The following MEIS2 variants were observed in gnomAD, a reference collection of about 807,000 sequenced individuals.
MEIS2 encodes the protein homeobox protein Meis2.
A neutral mutation model predicts 58.6 loss-of-function variants in MEIS2; 9 were observed. That is an observed-to-expected ratio of 0.15 (90% CI 0.09 to 0.27). The LOEUF is 0.27. Ranked by LOEUF, MEIS2 falls within the 10% of genes least tolerant of loss-of-function variation. The pLI is 1.00. For missense variants in MEIS2, 427 were observed against 635.0 expected, an observed-to-expected ratio of 0.67 and a Z score of 3.52; for synonymous variants, 221 against 228.4, an observed-to-expected ratio of 0.97 and a Z score of 0.29.
intron 7 of MEIS2, among the ~76,000 whole-genome samples, chr15:37,043,324 C>A (rs1397500985): frequency 2.0e-5 from 3 of 152,092 alleles, no homozygotes; most frequent in Non-Finnish European, 2.9e-5. Flanking sequence ...TTACCATATT[C>A]ATTAACATTT....
intron 9 of MEIS2, among the ~76,000 whole-genome samples, chr15:36,903,305 A>G (rs1294773726): frequency 6.6e-6 from 1 of 152,202 alleles, no homozygotes; most frequent in Non-Finnish European, 1.5e-5. Flanking sequence ...TTTCAAAGCT[A>G]TTTGAAAGCA....
At chr15:36,934,441 G>C (rs917118456) in intron 9 of MEIS2, among the ~76,000 whole-genome samples, 1 of 152,144 alleles carries the variant, frequency 6.6e-6, no homozygotes, top group South Asian at 2.1e-4. Flanking sequence ...TAATTAAAAC[G>C]TGCACAAGGC....
intron 8 of MEIS2, among the ~76,000 whole-genome samples, chr15:37,032,140 A>G (rs1206916838): frequency 6.6e-6 from 1 of 152,176 alleles, no homozygotes; most frequent in Admixed American, 6.5e-5. Flanking sequence ...TCTGTAACAC[A>G]CATCTTTGAA....
chr15:36,950,524 T>C, intron 8 of MEIS2, 124 bp from the exon 9 acceptor site: 1 of 884,964 alleles, frequency 1.1e-6, no homozygotes, highest in Non-Finnish European at 1.8e-6. Flanking sequence ...ACTTGCATCT[T>C]TTTTATCATG....
At chr15:36,991,816 C>G (rs1281054664) in intron 8 of MEIS2, among the ~76,000 whole-genome samples, 2 of 97,274 alleles carry the variant, frequency 2.1e-5, no homozygotes, top group Non-Finnish European at 1.8e-5. Flanking sequence ...GAGACGGAGT[C>G]TCGCTCTGTC....
rs2055783182 is a variant in MEIS2, at chr15:36,889,532, ATAGG to A, written c.*2637_*2640del. On this transcript the variant is annotated 3_prime_UTR_variant, in exon 12 of 12. Coordinates refer to ENST00000561208, the MANE Select transcript of MEIS2 (RefSeq NM_170675.5). ...ATTTAAGAAGGTTAAAGTTAACATGATAGGACGTGGGTTTGACGAATAAACTAAG... is the reference window on the plus strand; with the variant it reads ...ATTTAAGAAGGTTAAAGTTAACATGAACGTGGGTTTGACGAATAAACTAAG... 6.6e-6 allele frequency: 1 copy of A among 152,224 alleles called. No homozygotes were observed. Among genetic ancestry groups the A allele is most frequent in the Non-Finnish European group, 1.5e-5 (1 of 68,040 alleles). 9.4% of individuals were successfully genotyped at this position (152,224 alleles called of 1,614,324 possible).
intron 8 of MEIS2, among the ~76,000 whole-genome samples, chr15:36,986,941 A>C (rs375556440): frequency 1.3e-5 from 2 of 152,300 alleles, no homozygotes; most frequent in East Asian, 3.9e-4. Flanking sequence ...GTGAGCATAA[A>C]CATTTCAGGA....
chr15:37,072,635 CA>C (rs1257638318), intron 7 of MEIS2, among the ~76,000 whole-genome samples: 3 of 152,098 alleles, frequency 2.0e-5, no homozygotes, highest in African/African-American at 7.2e-5. Flanking sequence ...CTACTTTTTC[CA>C]TTTGGAAACA....
intron 9 of MEIS2, among the ~76,000 whole-genome samples, chr15:36,947,862 AAGT>A (rs1262972728): frequency 1.3e-5 from 2 of 151,896 alleles, no homozygotes; most frequent in East Asian, 3.9e-4. Context: ...GGTCTTTTGA[AAGT>A]AGATTGAATA....
intron 8 of MEIS2, among the ~76,000 whole-genome samples, chr15:36,991,572 T>C (rs1230406092): frequency 1.3e-5 from 2 of 151,976 alleles, no homozygotes; most frequent in Non-Finnish European, 2.9e-5. Flanking sequence ...CTGAAGAAAA[T>C]AAATACAAAA....
At chr15:37,059,085 G>A (rs896031893) in intron 7 of MEIS2, among the ~76,000 whole-genome samples, 2 of 152,172 alleles carry the variant, frequency 1.3e-5, no homozygotes, top group Non-Finnish European at 2.9e-5. Context: ...ACAAAAACGA[G>A]GAGATAAGTT....
intron 9 of MEIS2, among the ~76,000 whole-genome samples, chr15:36,923,346 T>C (rs1481663537): frequency 6.6e-6 from 1 of 152,174 alleles, no homozygotes; most frequent in Non-Finnish European, 1.5e-5. Context: ...TTTTTCTTTT[T>C]ACTTTTTGTC....
chr15:36,913,713 A>G (rs1022424832), intron 9 of MEIS2, among the ~76,000 whole-genome samples: 5 of 151,664 alleles, frequency 3.3e-5, no homozygotes, highest in African/African-American at 4.8e-5. Flanking sequence ...ATCCCACTTG[A>G]CTTCACACAC....
chr15:37,077,132 G>A (rs541583324), intron 7 of MEIS2, among the ~76,000 whole-genome samples: 28 of 152,134 alleles, frequency 1.8e-4, no homozygotes, highest in South Asian at 1.0e-3. Context: ...AATTTGACAC[G>A]AGATGTACTA....
rs1321622874 is a variant in MEIS2, at chr15:37,100,493, G to A, written c.-1027C>T. ...TACGGCGGAGACACATCCCGGGAGT[G>A]GGGAGCGGGAGCGAGGAGGAGCGCG... On this transcript the variant is annotated 5_prime_UTR_variant, in exon 1 of 12. Coordinates refer to ENST00000561208, the MANE Select transcript of MEIS2 (RefSeq NM_170675.5). The A allele has an allele frequency of 2.0e-5, 3 of 152,200 alleles. No individual in the cohort carries two copies. Among genetic ancestry groups the A allele is most frequent in the Non-Finnish European group, 2.9e-5 (2 of 68,066 alleles). The allele number at this position is 152,200 out of a possible 1,614,324, so 9.4% of individuals were successfully genotyped here. A position where few individuals can be genotyped will look rare whatever the true frequency, so the allele number is the denominator to read the frequency against.
intron 9 of MEIS2, among the ~76,000 whole-genome samples, chr15:36,934,239 G>C (rs897061002): frequency 6.6e-6 from 1 of 151,684 alleles, no homozygotes; most frequent in African/African-American, 2.4e-5. Flanking sequence ...TATTGAAAAG[G>C]AGAGGAGAAC....
At chr15:36,947,593 TTGTC>T (rs1050028930) in intron 9 of MEIS2, among the ~76,000 whole-genome samples, 8 of 151,912 alleles carry the variant, frequency 5.3e-5, no homozygotes, top group African/African-American at 1.9e-4. Context: ...TCTTCCATGA[TTGTC>T]TGATTTTTAT....
intron 11 of MEIS2, chr15:36,894,380 C>G (rs536671414): frequency 6.2e-6 from 1 of 160,796 alleles, no homozygotes; most frequent in Non-Finnish European, 1.4e-5. Flanking sequence ...CTTAATTTCT[C>G]TCAGTCAACT....
chr15:37,026,763 G>T (rs543468046), intron 8 of MEIS2, among the ~76,000 whole-genome samples: 1 of 152,088 alleles, frequency 6.6e-6, no homozygotes, highest in Non-Finnish European at 1.5e-5. Context: ...CTCTTGAGTT[G>T]TAATTTTTGT....
Sources: gnomAD v4.1 joint callset for allele counts (sites outside exome capture counted in the v4.1 genomes callset) on GRCh38, gnomAD v4.1.1 for gene constraint, MANE v1.5 for transcripts, NCBI Gene and HGNC (gene_info 2026-07-23, HGNC 2026-07-21) for gene names.